CHD1L: variants seen among roughly 807,000 people sequenced by gnomAD.
CHD1L encodes the protein ATP-dependent chromatin remodeler CHD1L.
In CHD1L, 118 loss-of-function variants were observed where a neutral mutation model predicts 115.9. The observed-to-expected ratio is 1.02, with a 90% CI of 0.88 to 1.19. The LOEUF is 1.19. CHD1L is among the 50% of genes most tolerant of loss of function. The pLI, the probability that CHD1L is intolerant of heterozygous loss-of-function variation, is 0.00. For synonymous variants in CHD1L, 411 were observed against 387.1 expected (o/e 1.06, Z -0.72); for missense variants, 1,179 against 1,065.3 (o/e 1.11, Z -1.49).
In CHD1L at chr1:147,278,222, G is replaced by GGTT. The variant is rs1553959309; in HGVS notation, c.1540-1804_1540-1803insGTT. Among the ~76,000 whole-genome samples, 7 of 91,130 alleles carry GGTT rather than the reference G, an allele frequency of 7.7e-5. No homozygotes were observed. The East Asian group carries it at 2.1e-3, about 27-fold the overall frequency. The allele number at this position is 91,130 out of a possible 152,430, so 59.8% of individuals were successfully genotyped here. On this transcript the variant is annotated intron_variant, in intron 14 of 22. Coordinates refer to ENST00000369258, the MANE Select transcript of CHD1L (RefSeq NM_004284.6). ...ATTTTTGTTTGTTTTTGTTTTTTGG[G>GGTT]TTTTTTTTTTTTTTTTTTTTTGAGA... is the stretch of plus-strand genomic sequence containing the variant.
chr1:147,267,305 G>C (rs2102593362), intron 8 of CHD1L, 121 bp from the exon 9 acceptor site: 2 of 631,770 alleles, frequency 3.2e-6, no homozygotes, highest in East Asian at 5.7e-5. Flanking sequence ...TGGGAGGTTA[G>C]TATAGGTTCA....
intron 1 of CHD1L, among the ~76,000 whole-genome samples, chr1:147,244,380 A>G (rs1235718214): frequency 6.6e-6 from 1 of 152,182 alleles, no homozygotes; most frequent in African/African-American, 2.4e-5. Flanking sequence ...GAGTCAAAGG[A>G]ATGGCTACTG....
chr1:147,286,275 C>T (rs367912758), intron 17 of CHD1L, 23 bp from the exon 18 acceptor site: 9 of 1,609,442 alleles, frequency 5.6e-6, no homozygotes, highest in Non-Finnish European at 7.6e-6. Context: ...GGTTAATTTC[C>T]TTTTGTCTCT....
At chr1:147,261,540 C>T (rs1296646572) in intron 6 of CHD1L, among the ~76,000 whole-genome samples, 1 of 152,048 alleles carries the variant, frequency 6.6e-6, no homozygotes, top group African/African-American at 2.4e-5. Context: ...ACATTCAATC[C>T]ATAGCAGTTG....
At chr1:147,248,827 C>G (rs986317658) in intron 1 of CHD1L, among the ~76,000 whole-genome samples, 2 of 152,064 alleles carry the variant, frequency 1.3e-5, no homozygotes, top group East Asian at 3.8e-4. Flanking sequence ...AACATTACTT[C>G]CCTTTATATA....
At chr1:147,217,890 C>T in the CHD1L span, among the ~76,000 whole-genome samples, 2 of 152,148 alleles carry the variant, frequency 1.3e-5, no homozygotes, top group African/African-American at 4.8e-5. Flanking sequence ...TTGTAAGCCC[C>T]TTGAATTGTA....
Position 147,261,285 on chromosome 1 carries a change from G to A in CHD1L, c.576+1367G>A, listed in dbSNP as rs147791590. Among the ~76,000 whole-genome samples, 26 of 152,272 alleles carry A rather than the reference G, an allele frequency of 1.7e-4. No individual in the cohort carries two copies. The East Asian group carries it at 4.2e-3, about 25-fold the overall frequency. On this transcript the variant is annotated intron_variant, in intron 6 of 22. Coordinates refer to ENST00000369258, the MANE Select transcript of CHD1L (RefSeq NM_004284.6). ...TTATCACCGTTCTAGAGGCTGGGAA[G>A]TCCAAGATCAAGGTGCCAGCATTTG...
chr1:147,180,583 G>C, the CHD1L span, among the ~76,000 whole-genome samples: 1 of 152,170 alleles, frequency 6.6e-6, no homozygotes, highest in Non-Finnish European at 1.5e-5. Flanking sequence ...GAGCCACTGC[G>C]TCCGGCCTGA....
the CHD1L span, among the ~76,000 whole-genome samples, chr1:147,233,801 C>T: frequency 6.6e-6 from 1 of 151,822 alleles, no homozygotes; most frequent in Admixed American, 6.6e-5. Context: ...TTACCCCCAA[C>T]CCTGTGCTCT....
the CHD1L span, among the ~76,000 whole-genome samples, chr1:147,214,520 T>C: frequency 2.0e-5 from 3 of 151,880 alleles, no homozygotes; most frequent in African/African-American, 4.8e-5. Context: ...TCCAGCACTA[T>C]TTATAGTTCC....
At chr1:147,226,748 G>A in the CHD1L span, among the ~76,000 whole-genome samples, 1 of 152,046 alleles carries the variant, frequency 6.6e-6, no homozygotes, top group African/African-American at 2.4e-5. Flanking sequence ...AGAGGCAACT[G>A]ATATTTTGTT....
Position 147,295,644 on chromosome 1 carries a change from G to T in CHD1L, c.*135G>T. 1.5e-6 allele frequency: 1 copy of T among 661,290 alleles called. No individual in the cohort carries two copies. Among genetic ancestry groups the T allele is most frequent in the Non-Finnish European group, 2.5e-6 (1 of 403,652 alleles). The allele number at this position is 661,290 out of a possible 1,614,324, so 41.0% of individuals were successfully genotyped here. A position where few individuals can be genotyped will look rare whatever the true frequency, so the allele number is the denominator to read the frequency against. The stretch of plus-strand genomic sequence containing the variant: ...TGTCTCTTTTCTGAGTTTCAGTTTG[G>T]TTCTCCTGGATGTTTTGCTCTGTTT... On this transcript the variant is annotated 3_prime_UTR_variant, in exon 23 of 23. Coordinates refer to ENST00000369258, the MANE Select transcript of CHD1L (RefSeq NM_004284.6).
the CHD1L span, chr1:147,204,474 GT>G: frequency 1.4e-6 from 2 of 1,480,658 alleles, no homozygotes; most frequent in Non-Finnish European, 1.9e-6. Flanking sequence ...CATCTCGAAG[GT>G]TTTTTGCAGA....
chr1:147,267,763 C>T (rs587683654), intron 9 of CHD1L, among the ~76,000 whole-genome samples: 9 of 152,172 alleles, frequency 5.9e-5, no homozygotes, highest in Admixed American at 1.3e-4. Flanking sequence ...TCCTGCAGAC[C>T]CTGCATTGCA....
At chr1:147,180,612 T>C in the CHD1L span, among the ~76,000 whole-genome samples, 1 of 152,230 alleles carries the variant, frequency 6.6e-6, no homozygotes, top group Middle Eastern at 3.4e-3. Context: ...TTAAAATAAG[T>C]TTATTTAAAA....
chr1:147,246,444 A>G (rs1553933897), intron 1 of CHD1L, among the ~76,000 whole-genome samples: 1 of 152,238 alleles, frequency 6.6e-6, no homozygotes, highest in Non-Finnish European at 1.5e-5. Flanking sequence ...AGTGGGTCAT[A>G]TGGTAGTTGC....
At chr1:147,238,720 A>G (rs1221696724), upstream of CHD1L, among the ~76,000 whole-genome samples, 5 of 152,224 alleles carry the variant, frequency 3.3e-5, no homozygotes, top group African/African-American at 1.2e-4. Flanking sequence ...TATAACAATC[A>G]TATGCCCTAG....
At chr1:147,227,779 T>C in the CHD1L span, among the ~76,000 whole-genome samples, 1 of 152,324 alleles carries the variant, frequency 6.6e-6, no homozygotes, top group African/African-American at 2.4e-5. Context: ...TTTGCAGAGT[T>C]TCTGCAAAGG....
At chr1:147,291,598 C>A (rs1159039953) in intron 20 of CHD1L, 46 bp downstream of exon 20, 6 of 1,504,116 alleles carry the variant, frequency 4.0e-6, no homozygotes, top group Non-Finnish European at 5.6e-6. Context: ...GGACTCACAT[C>A]AACTTCTCTT....
Sources: allele counts gnomAD v4.1 joint callset (sites outside exome capture counted in the v4.1 genomes callset), GRCh38; gene constraint gnomAD v4.1.1; transcripts MANE v1.5; gene names NCBI Gene and HGNC (gene_info 2026-07-23, HGNC 2026-07-21).